Variants in ZNRF1 observed in about 807,000 individuals in gnomAD.
The protein encoded by ZNRF1 is E3 ubiquitin-protein ligase ZNRF1.
In ZNRF1, 3 loss-of-function variants were observed where a neutral mutation model predicts 18.4. That is an observed-to-expected ratio of 0.16 (90% CI 0.07 to 0.42). The LOEUF is 0.42. Ranked by LOEUF, ZNRF1 falls within the 10% of genes least tolerant of loss-of-function variation. The pLI is 0.99. For missense variants in ZNRF1, 310 were observed against 329.8 expected (o/e 0.94, Z 0.47); for synonymous variants, 157 against 144.2 (o/e 1.09, Z -0.64).
chr16:75,030,058 A>G (rs1027890246), intron 1 of ZNRF1, among the ~76,000 whole-genome samples: 5 of 104,706 alleles, frequency 4.8e-5, no homozygotes, highest in East Asian at 3.8e-4. Context: ...GCAAGATGCT[A>G]TCTCAAAAAA....
chr16:75,099,686 G>A (rs979635398), intron 2 of ZNRF1, among the ~76,000 whole-genome samples: 2 of 152,202 alleles, frequency 1.3e-5, no homozygotes, highest in African/African-American at 4.8e-5. Context: ...TTCTCTAGGG[G>A]CCTGGAGATA....
At chr16:75,046,582 T>A (rs1031340462) in intron 1 of ZNRF1, among the ~76,000 whole-genome samples, 21 of 152,100 alleles carry the variant, frequency 1.4e-4, no homozygotes, top group African/African-American at 3.1e-4. Context: ...TTATTTATTT[T>A]TTTATTTTTT....
At chr16:75,041,410 G>C (rs1050012668) in intron 1 of ZNRF1, among the ~76,000 whole-genome samples, 1 of 151,976 alleles carries the variant, frequency 6.6e-6, no homozygotes, top group African/African-American at 2.4e-5. Context: ...GCTCACTGCA[G>C]CCTCTGCCTC....
chr16:75,023,031 A>G (rs2035174069), intron 1 of ZNRF1, among the ~76,000 whole-genome samples: 1 of 152,208 alleles, frequency 6.6e-6, no homozygotes, highest in Non-Finnish European at 1.5e-5. Context: ...GGTAAGCAGG[A>G]ACCCCCAATG....
chr16:75,071,440 G>T (rs750657575), intron 1 of ZNRF1, among the ~76,000 whole-genome samples: 3 of 152,130 alleles, frequency 2.0e-5, no homozygotes, highest in Non-Finnish European at 4.4e-5. Context: ...TCTCCACAGA[G>T]ACCTCAGCAA....
At chr16:75,071,714 A>G (rs2035872850) in intron 1 of ZNRF1, among the ~76,000 whole-genome samples, 1 of 152,194 alleles carries the variant, frequency 6.6e-6, no homozygotes, top group African/African-American at 2.4e-5. Flanking sequence ...GGACGGAAAT[A>G]GTCCTGGGGC....
intron 1 of ZNRF1, among the ~76,000 whole-genome samples, chr16:75,051,522 T>A (rs1032238422): frequency 7.2e-6 from 1 of 138,468 alleles, no homozygotes; most frequent in Non-Finnish European, 1.6e-5. Context: ...ATCTTCCCCT[T>A]TTTTTTTTTG....
At chr16:75,104,677 A>G (rs993690330) in intron 2 of ZNRF1, 107 bp from the exon 3 acceptor site, 1 of 927,496 alleles carries the variant, frequency 1.1e-6, no homozygotes, top group Non-Finnish European at 1.7e-6. Context: ...AGCCGGGCAC[A>G]GCTTGGGGCA....
chr16:75,100,607 A>G (rs1274014639), intron 2 of ZNRF1, among the ~76,000 whole-genome samples: 1 of 152,174 alleles, frequency 6.6e-6, no homozygotes, highest in African/African-American at 2.4e-5. Context: ...GGACCCAGAG[A>G]ATTCTAACTA....
At chr16:75,046,967 T>G (rs1162781845) in intron 1 of ZNRF1, 1 of 152,494 alleles carries the variant, frequency 6.6e-6, no homozygotes, top group Non-Finnish European at 1.5e-5. Context: ...TATTATTTTT[T>G]ATTTCTGTGG....
At chr16:75,018,789 G>A (rs1001667470) in intron 1 of ZNRF1, among the ~76,000 whole-genome samples, 28 of 151,704 alleles carry the variant, frequency 1.8e-4, no homozygotes, top group African/African-American at 6.1e-4. Flanking sequence ...GATTTAATAC[G>A]TTAATATTCT....
chr16:75,103,129 G>A (rs2036272131), intron 2 of ZNRF1, among the ~76,000 whole-genome samples: 1 of 152,118 alleles, frequency 6.6e-6, no homozygotes, highest in Non-Finnish European at 1.5e-5. Flanking sequence ...CGGCATCCCT[G>A]CTAGTCTGTG....
intron 1 of ZNRF1, among the ~76,000 whole-genome samples, chr16:75,007,829 T>G (rs549271323): frequency 6.6e-6 from 1 of 152,290 alleles, no homozygotes; most frequent in East Asian, 1.9e-4. Flanking sequence ...TGAATCCTTT[T>G]TTGGTGTATT....
intron 1 of ZNRF1, 24 bp downstream of exon 1, chr16:75,000,119 C>A: frequency 6.3e-7 from 1 of 1,588,252 alleles, no homozygotes. Context: ...TGGTGGAGGC[C>A]TCGGAGGGAG....
chr16:75,012,751 A>G (rs998255375), intron 1 of ZNRF1, among the ~76,000 whole-genome samples: 2 of 152,198 alleles, frequency 1.3e-5, no homozygotes, highest in African/African-American at 2.4e-5. Flanking sequence ...CTCATGTCTG[A>G]ACCACTATCT....
chr16:75,040,333 C>T (rs928787028), intron 1 of ZNRF1, among the ~76,000 whole-genome samples: 3 of 151,930 alleles, frequency 2.0e-5, no homozygotes, highest in Non-Finnish European at 2.9e-5. Context: ...TAGCTCACTG[C>T]AGCCTCAAAC....
intron 1 of ZNRF1, among the ~76,000 whole-genome samples, chr16:75,004,958 C>G (rs1167505398): frequency 3.3e-5 from 5 of 152,260 alleles, no homozygotes; most frequent in Non-Finnish European, 7.4e-5. Flanking sequence ...TAGGAGGTAT[C>G]TCTTGGGCTC....
At chr16:75,064,548 T>A (rs1384319518) in intron 1 of ZNRF1, among the ~76,000 whole-genome samples, 1 of 145,076 alleles carries the variant, frequency 6.9e-6, no homozygotes, top group East Asian at 2.0e-4. Flanking sequence ...AGAGTGAGAC[T>A]CAGTCTCCGA....
chr16:75,047,993 C>T (rs946774593), intron 1 of ZNRF1, among the ~76,000 whole-genome samples: 2 of 151,756 alleles, frequency 1.3e-5, no homozygotes, highest in Non-Finnish European at 2.9e-5. Flanking sequence ...GCTTTGTTGC[C>T]TAGGTTAGCA....
Sources: gnomAD v4.1 joint callset for allele counts (sites outside exome capture counted in the v4.1 genomes callset) on GRCh38, gnomAD v4.1.1 for gene constraint, MANE v1.5 for transcripts, NCBI Gene and HGNC (gene_info 2026-07-23, HGNC 2026-07-21) for gene names.